The following PAPPA2 variants were observed in gnomAD, a reference collection of about 807,000 sequenced individuals.
PAPPA2 encodes pappalysin-2.
In PAPPA2, 86 loss-of-function variants were observed where a neutral mutation model predicts 176.4. The observed-to-expected ratio is 0.49, with a 90% CI of 0.41 to 0.58. The LOEUF is 0.58. PAPPA2 is among the 20% of genes least tolerant of loss of function. The pLI, the probability that PAPPA2 is intolerant of heterozygous loss-of-function variation, is 0.00. For missense variants in PAPPA2, 2,073 were observed against 2,256.9 expected (o/e 0.92, Z 1.65); for synonymous variants, 809 against 852.2 (o/e 0.95, Z 0.88).
Position 176,512,477 on chromosome 1 carries a change from C to T in PAPPA2, c.-916-42930C>T, listed in dbSNP as rs377608095. Among the ~76,000 whole-genome samples the T allele has an allele frequency of 3.3e-5, 5 of 152,028 alleles. No homozygotes were observed. The East Asian group carries it at 9.6e-4, about 29-fold the overall frequency. On this transcript the variant is annotated intron_variant, in intron 1 of 22. Coordinates refer to ENST00000367662, the MANE Select transcript of PAPPA2 (RefSeq NM_020318.3). ...CATTATGCCAAGTAAAAGAAGCTAGCCAAGTAAAAGAAACTAGATACAAAA... is the reference window on the plus strand; with the variant it reads ...CATTATGCCAAGTAAAAGAAGCTAGTCAAGTAAAAGAAACTAGATACAAAA...
In PAPPA2 at chr1:176,779,261, G is replaced by A. The variant is rs576461962; in HGVS notation, c.4715+8081G>A. Among the ~76,000 whole-genome samples the A allele has an allele frequency of 9.9e-5, 15 of 151,982 alleles. No individual in the cohort carries two copies. The East Asian group carries it at 2.9e-3, about 29-fold the overall frequency. On this transcript the variant is annotated intron_variant, in intron 17 of 22. Transcript: ENST00000367662. ...CCCCCTGCTGCTCTTTCTGGTCTTC[G>A]TTTGTCCTACTCCTCCTGTGTCTCT...
At chr1:176,619,901 C>G (rs1573138722) in intron 3 of PAPPA2, among the ~76,000 whole-genome samples, 1 of 152,072 alleles carries the variant, frequency 6.6e-6, no homozygotes, top group East Asian at 1.9e-4. Context: ...GATTTTGGTG[C>G]CTTATCTTAG....
chr1:176,705,776 T>C (rs1441749833), intron 9 of PAPPA2, among the ~76,000 whole-genome samples: 2 of 152,138 alleles, frequency 1.3e-5, no homozygotes, highest in African/African-American at 4.8e-5. Flanking sequence ...AACCAGGTGG[T>C]AGTAGGGAGT....
intron 14 of PAPPA2, among the ~76,000 whole-genome samples, chr1:176,752,488 C>T (rs1379745998): frequency 6.6e-6 from 1 of 151,934 alleles, no homozygotes; most frequent in Non-Finnish European, 1.5e-5. Flanking sequence ...GCTAACCATG[C>T]TTGTGTAAAG....
chr1:176,771,135 A>T lies in PAPPA2; in HGVS notation c.4670A>T (p.Lys1557Ile). The change falls in exon 17 of 23, where the codon AAA becomes ATA. Residue 1557 changes from lysine (K) to isoleucine (I), a missense_variant. Transcript: ENST00000367662. ...GGCACCATCTGCAAATATGAATGCA[A>T]ACCAGGGTACTATGTGGCAGAAAGT... is the stretch of plus-strand genomic sequence containing the variant. ...DVGTICKYEC[K>I]PGYYVAESAE... The T allele has an allele frequency of 1.2e-6, 2 of 1,614,192 alleles. No individual in the cohort carries two copies. Among genetic ancestry groups the T allele is most frequent in the Non-Finnish European group, 1.7e-6 (2 of 1,180,020 alleles).
At chr1:176,702,792 A>T (rs1332737771) in intron 9 of PAPPA2, 57 bp downstream of exon 9, 48 of 1,562,288 alleles carry the variant, frequency 3.1e-5, no homozygotes, top group South Asian at 2.3e-4. Flanking sequence ...AGAGAGAGAG[A>T]GAGAGAGAGA....
intron 1 of PAPPA2, among the ~76,000 whole-genome samples, chr1:176,538,369 G>GTC (rs970542779): frequency 6.6e-6 from 1 of 152,144 alleles, no homozygotes; most frequent in African/African-American, 2.4e-5. Flanking sequence ...CTTTCTCCAT[G>GTC]TATAGAAGTG....
chr1:176,687,875 A>G (rs1431771783), intron 4 of PAPPA2, among the ~76,000 whole-genome samples: 1 of 152,104 alleles, frequency 6.6e-6, no homozygotes, highest in Non-Finnish European at 1.5e-5. Flanking sequence ...AAAGGGTAAA[A>G]CTCAATTGAT....
chr1:176,591,950 G>A (rs1653692708), intron 2 of PAPPA2, among the ~76,000 whole-genome samples: 2 of 152,090 alleles, frequency 1.3e-5, no homozygotes, highest in African/African-American at 2.4e-5. Flanking sequence ...CTCAACTTCT[G>A]TCTTCTGCAT....
intron 17 of PAPPA2, among the ~76,000 whole-genome samples, chr1:176,783,797 C>T (rs1009306167): frequency 1.3e-5 from 2 of 152,116 alleles, no homozygotes; most frequent in African/African-American, 4.8e-5. Flanking sequence ...GGTTTCTACA[C>T]CTTACTAGCA....
chr1:176,668,453 T>G (rs1658790905), intron 3 of PAPPA2, among the ~76,000 whole-genome samples: 1 of 152,220 alleles, frequency 6.6e-6, no homozygotes, highest in South Asian at 2.1e-4. Flanking sequence ...AGTCTATCTC[T>G]TAATCATTTC....
intron 3 of PAPPA2, among the ~76,000 whole-genome samples, chr1:176,653,444 C>A (rs553406191): frequency 1.2e-4 from 18 of 151,706 alleles, no homozygotes; most frequent in Non-Finnish European, 2.5e-4. Context: ...AAGCCTGAGA[C>A]AGGAATTTGG....
At chr1:176,717,604 C>G (rs1450758055) in intron 12 of PAPPA2, among the ~76,000 whole-genome samples, 2 of 152,234 alleles carry the variant, frequency 1.3e-5, no homozygotes, top group Admixed American at 1.3e-4. Flanking sequence ...GGCTCACCTT[C>G]AAGTTCTTTC....
intron 12 of PAPPA2, among the ~76,000 whole-genome samples, chr1:176,735,926 T>G (rs1662392825): frequency 6.6e-6 from 1 of 152,178 alleles, no homozygotes; most frequent in Non-Finnish European, 1.5e-5. Flanking sequence ...GATATCTAGC[T>G]AAAGTTTTTC....
At chr1:176,612,708 A>G (rs1654999899) in intron 3 of PAPPA2, among the ~76,000 whole-genome samples, 1 of 152,220 alleles carries the variant, frequency 6.6e-6, no homozygotes, top group Admixed American at 6.5e-5. Context: ...TGTTCTGAAC[A>G]ATATCTTTAT....
At chr1:176,598,200 C>G (rs1158843956) in intron 3 of PAPPA2, among the ~76,000 whole-genome samples, 1 of 152,180 alleles carries the variant, frequency 6.6e-6, no homozygotes, top group African/African-American at 2.4e-5. Context: ...TCCTGCCTAA[C>G]TCTTCCCCAT....
At chr1:176,817,617 T>C (rs903606324) in intron 21 of PAPPA2, among the ~76,000 whole-genome samples, 7 of 152,104 alleles carry the variant, frequency 4.6e-5, no homozygotes, top group Admixed American at 1.3e-4. Flanking sequence ...ATTGAAAGCT[T>C]TTCTTTTAAG....
chr1:176,637,658 G>A (rs114503019), intron 3 of PAPPA2, among the ~76,000 whole-genome samples: 430 of 152,262 alleles, frequency 2.8e-3, no homozygotes, highest in Non-Finnish European at 4.7e-3. Context: ...ATTTGAAGGT[G>A]AGAAGGCATG....
At chr1:176,617,917 G>A (rs1455436030) in intron 3 of PAPPA2, among the ~76,000 whole-genome samples, 1 of 152,116 alleles carries the variant, frequency 6.6e-6, no homozygotes, top group Non-Finnish European at 1.5e-5. Flanking sequence ...CCTTCTTAGG[G>A]AATCAGGACA....
Sources: gnomAD v4.1 joint callset for allele counts (sites outside exome capture counted in the v4.1 genomes callset) on GRCh38, gnomAD v4.1.1 for gene constraint, MANE v1.5 for transcripts, NCBI Gene and HGNC (gene_info 2026-07-23, HGNC 2026-07-21) for gene names.